The following MLXIP variants were observed in gnomAD, a reference collection of about 807,000 sequenced individuals.
MLXIP encodes the protein MLX interacting protein.
In MLXIP, 30 loss-of-function variants were observed where a neutral mutation model predicts 87.2. The ratio of observed to expected loss-of-function variants is 0.34; its 90% CI spans 0.26 to 0.47. MLXIP has a LOEUF of 0.47. Among genes scored for constraint, MLXIP ranks in the 20% least tolerant of loss-of-function variants. The pLI is 1.00. For missense variants in MLXIP, 1,002 were observed against 1,240.1 expected, an observed-to-expected ratio of 0.81 and a Z score of 2.88; for synonymous variants, 530 against 514.0, an observed-to-expected ratio of 1.03 and a Z score of -0.42.
At chr12:122,094,685 CTGT>C (rs1952320428) in intron 1 of MLXIP, among the ~76,000 whole-genome samples, 1 of 101,872 alleles carries the variant, frequency 9.8e-6, no homozygotes, top group Admixed American at 1.1e-4. Context: ...TGTGCGATGT[CTGT>C]TGTGTGTTGT....
chr12:122,115,271 A>T (rs951615648), intron 1 of MLXIP, among the ~76,000 whole-genome samples: 8 of 152,042 alleles, frequency 5.3e-5, no homozygotes, highest in Admixed American at 3.3e-4. Flanking sequence ...CAGGCAGGGA[A>T]GCAGTACAAG....
intron 1 of MLXIP, among the ~76,000 whole-genome samples, chr12:122,114,349 A>G (rs964324056): frequency 5.9e-5 from 9 of 152,210 alleles, no homozygotes; most frequent in South Asian, 2.1e-4. Flanking sequence ...CTCAGTTTCA[A>G]TAATTCACTA....
intron 1 of MLXIP, among the ~76,000 whole-genome samples, chr12:122,102,077 A>G (rs556556623): frequency 6.6e-6 from 1 of 152,206 alleles, no homozygotes; most frequent in East Asian, 1.9e-4. Flanking sequence ...AAACTACAAG[A>G]TCAAAGTAGG....
rs776332981 is a variant in MLXIP, at chr12:122,121,009, G to GTTTT, written c.414-6247_414-6246insTTTT. ...TAGCCCCAGAGCCCTCTGCATGCTT[G>GTTTT]GTTTTTTTTTTTTTTTTTTGAAACG... On this transcript the variant is annotated intron_variant, in intron 1 of 16. Transcript: ENST00000319080. 3.8e-4 allele frequency among the ~76,000 whole-genome samples: 39 copies of GTTTT among 102,194 alleles called. 4 individuals are homozygous for GTTTT. Among genetic ancestry groups the GTTTT allele is most frequent in the Non-Finnish European group, 3.5e-4 (18 of 52,080 alleles). 67.0% of individuals were successfully genotyped at this position (102,194 alleles called of 152,430 possible).
At chr12:122,134,278 G>A (rs1183626500) in intron 9 of MLXIP, 4 of 390,726 alleles carry the variant, frequency 1.0e-5, no homozygotes, top group Non-Finnish European at 1.8e-5. Flanking sequence ...CACTGCAACC[G>A]CCCCCTCCCG....
intron 8 of MLXIP, 74 bp downstream of exon 8, chr12:122,132,457 G>GCCTTGCTCTGGC: frequency 4.1e-6 from 5 of 1,222,780 alleles, no homozygotes; most frequent in Non-Finnish European, 5.9e-6. Flanking sequence ...TTTGCTGCCA[G>GCCTTGCTCTGGC]AGCAAGGCTA....
At chr12:122,141,605 C>A in intron 16 of MLXIP, 86 bp from the exon 17 acceptor site, 1 of 1,556,796 alleles carries the variant, frequency 6.4e-7, no homozygotes. Flanking sequence ...CTGAGCATTC[C>A]CACATGGGTT....
At chr12:122,125,161 C>T (rs1952861093) in intron 1 of MLXIP, among the ~76,000 whole-genome samples, 1 of 151,624 alleles carries the variant, frequency 6.6e-6, no homozygotes, top group Non-Finnish European at 1.5e-5. Flanking sequence ...AGCGAAACTC[C>T]ATCTCCAAAA....
chr12:122,131,441 C>CTTTTTTTTTT lies in MLXIP; in HGVS notation c.1000+524_1000+533dup, dbSNP rs1174308802. On this transcript the variant is annotated intron_variant, in intron 7 of 16. Coordinates refer to ENST00000319080, the MANE Select transcript of MLXIP (RefSeq NM_014938.6). ...GGTTTAGTCCTTGATTTGTTTGAGT[C>CTTTTTTTTTT]TTTTTTTTTTTTTTTTTTTTTTTTT... Among the ~76,000 whole-genome samples, 26 of 76,570 alleles carry CTTTTTTTTTT rather than the reference C, an allele frequency of 3.4e-4. 2 individuals carry two copies. The highest frequency in any genetic ancestry group is 1.3e-3 in the African/African-American group (26 of 19,568). 50.2% of individuals were successfully genotyped at this position (76,570 alleles called of 152,430 possible).
intron 1 of MLXIP, among the ~76,000 whole-genome samples, chr12:122,082,287 CAT>C (rs757243840): frequency 1.7e-4 from 26 of 152,354 alleles, no homozygotes; most frequent in African/African-American, 3.8e-4. Flanking sequence ...GGTCCAGAAA[CAT>C]GTGCTCAATT....
intron 12 of MLXIP, 134 bp from the exon 13 acceptor site, chr12:122,138,060 T>G: frequency 1.4e-6 from 1 of 703,172 alleles, no homozygotes; most frequent in South Asian, 1.9e-5. Flanking sequence ...GCCTTCAGCT[T>G]CTCGTCGTGC....
intron 1 of MLXIP, among the ~76,000 whole-genome samples, chr12:122,107,218 G>T (rs1489348872): frequency 6.6e-6 from 1 of 152,092 alleles, no homozygotes; most frequent in Admixed American, 6.5e-5. Context: ...GGGAGCTGGG[G>T]GTTCAGGTGA....
At position 122,138,906 on chromosome 12, in the gene MLXIP, A is replaced by G. The variant is rs1180973501; in HGVS notation, c.2476A>G (p.Thr826Ala). Residue 826 changes from threonine (T) to alanine (A), a missense_variant, in exon 15 of 17, where the codon ACC becomes GCC. Physicochemically the swap from Thr to Ala is moderately conservative, Grantham distance 58. This residue lies in a region of MLXIP where 746 missense variants were observed against 897.0 expected (regional missense o/e 0.83). Transcript: ENST00000319080. ...MKDMFDEYVKTRTLQNWKFWI... is the reference protein window; with the variant it reads ...MKDMFDEYVKARTLQNWKFWI... ...AGACATGTTTGACGAATACGTGAAA[A>G]CCCGGACCTTGCAGAATTGGAAGTT... The G allele has an allele frequency of 1.2e-6, 2 of 1,613,654 alleles. No homozygotes were observed. The highest frequency in any genetic ancestry group is 2.7e-5 in the African/African-American group (2 of 74,832).
Position 122,133,646 on chromosome 12 carries a change from C to T in MLXIP, c.1391C>T (p.Ala464Val). ...PPPATALNPPAPPTFHQPQKF... is the reference protein window; with the variant it reads ...PPPATALNPPVPPTFHQPQKF... ...CCTGCCACTGCCCTGAACCCCCCGG[C>T]TCCACCCACCTTCCATCAGCCACAG... is the stretch of plus-strand genomic sequence containing the variant. Residue 464 changes from alanine to valine, a missense_variant, in exon 9 of 17, where the codon GCT (alanine) becomes GTT (valine). By Grantham distance (64) the Ala-to-Val change is moderately conservative. Transcript: ENST00000319080. The surrounding 1 kb of genome is among the most constrained non-coding windows in gnomAD (Gnocchi z 4.9). The T allele has an allele frequency of 6.2e-7, 1 of 1,613,268 alleles. No homozygotes were observed. The highest frequency in any genetic ancestry group is 8.5e-7 in the Non-Finnish European group (1 of 1,179,684).
chr12:122,133,998 C>T lies in MLXIP; in HGVS notation c.1732+11C>T, dbSNP rs776882428. The T allele has an allele frequency of 4.0e-5, 63 of 1,587,362 alleles. No individual in the cohort carries two copies. The highest frequency in any genetic ancestry group is 4.6e-5 in the Non-Finnish European group (54 of 1,165,998). ...CCCGTATCGCCCCAGGTGAGCCAGGCGGGGAGACTCAGTGCGGGGCTCCCC... is the reference window on the plus strand; with the variant it reads ...CCCGTATCGCCCCAGGTGAGCCAGGTGGGGAGACTCAGTGCGGGGCTCCCC... On this transcript the variant is annotated intron_variant, in intron 9 of 16. Transcript: ENST00000319080. The surrounding 1 kb of genome is among the most constrained non-coding windows in gnomAD (Gnocchi z 4.9).
intron 15 of MLXIP, chr12:122,140,720 C>A: frequency 1.6e-6 from 1 of 628,616 alleles, no homozygotes; most frequent in Non-Finnish European, 2.9e-6. Context: ...CTGTCCCCTG[C>A]CTGCTCGGTG....
intron 1 of MLXIP, among the ~76,000 whole-genome samples, chr12:122,107,204 T>C (rs28731286): frequency 0.72 from 109,531 of 151,946 alleles, 39,903 homozygotes; most frequent in African/African-American, 0.83. Context: ...CATTTCCTCG[T>C]GGCGGGAGCT....
intron 1 of MLXIP, among the ~76,000 whole-genome samples, chr12:122,118,968 C>T (rs991620572): frequency 2.0e-5 from 3 of 151,956 alleles, no homozygotes; most frequent in African/African-American, 7.3e-5. Context: ...AGATCAAGAC[C>T]ATCCTGGCTA....
At position 122,133,809 on chromosome 12, in the gene MLXIP, G is replaced by A. The variant is rs763934106; in HGVS notation, c.1554G>A (p.Ala518=). The A allele has an allele frequency of 7.4e-5, 120 of 1,612,894 alleles. No individual in the cohort carries two copies. The highest frequency in any genetic ancestry group is 1.6e-4 in the Middle Eastern group (1 of 6,062). The change falls in exon 9 of 17, where the codon GCG becomes GCA. Residue 518 remains alanine (A), a synonymous_variant. Transcript: ENST00000319080. This position sits in a 1 kb window ranked among gnomAD's most constrained non-coding sequence, Gnocchi z 4.9. ...CCACCCATCACCCTGCCCCGTCAGC[G>A]GCCCCTTGTGGGCTGGCACTGTCTC... ...VITTHHPAPS[A]APCGLALSPV... is the part of the protein sequence containing the mutation.
Sources: allele counts gnomAD v4.1 joint callset (sites outside exome capture counted in the v4.1 genomes callset), GRCh38; gene constraint gnomAD v4.1.1; regional missense constraint gnomAD v4.1.1; non-coding constraint Gnocchi (gnomAD v3.1); transcripts MANE v1.5; gene names NCBI Gene and HGNC (gene_info 2026-07-23, HGNC 2026-07-21).